The following ITGA9 variants were observed in gnomAD, a reference collection of about 807,000 sequenced individuals.
ITGA9 encodes the protein integrin alpha-9.
Under a neutral mutation model 127.8 loss-of-function variants are expected in ITGA9, and 56 were observed. The ratio of observed to expected loss-of-function variants is 0.44; its 90% CI spans 0.35 to 0.55. The LOEUF is 0.55. ITGA9 is among the 20% of genes least tolerant of loss of function. The pLI is 0.00. For synonymous variants in ITGA9, 508 were observed against 514.5 expected (o/e 0.99, Z 0.17); for missense variants, 1,196 against 1,347.1 (o/e 0.89, Z 1.76).
intron 18 of ITGA9, among the ~76,000 whole-genome samples, chr3:37,727,891 G>C (rs1250193072): frequency 6.6e-6 from 1 of 152,156 alleles, no homozygotes; most frequent in Admixed American, 6.5e-5. Flanking sequence ...GCCAGATCCA[G>C]ATTTATCAGT....
rs1181604093 is a variant in ITGA9 at position 37,513,908 on chromosome 3, C to A, written c.1035+8C>A. On this transcript the variant is annotated splice_region_variant and intron_variant, in intron 9 of 27. Transcript: ENST00000264741. ...TACATCAACAGAGGAAATGTGAGTA[C>A]AATACTGGGCAATGTGCGGATGGGT... 4 of 1,612,660 alleles carry A rather than the reference C, an allele frequency of 2.5e-6. No homozygotes were observed. Among genetic ancestry groups the A allele is most frequent in the Non-Finnish European group, 3.4e-6 (4 of 1,179,942 alleles).
chr3:37,737,927 A>C (rs1472446125), intron 20 of ITGA9, among the ~76,000 whole-genome samples: 1 of 152,190 alleles, frequency 6.6e-6, no homozygotes, highest in Non-Finnish European at 1.5e-5. Context: ...TGCAGAAATC[A>C]TGCCTCTTGA....
intron 18 of ITGA9, among the ~76,000 whole-genome samples, chr3:37,729,033 T>C (rs1182900427): frequency 6.6e-6 from 1 of 151,962 alleles, no homozygotes; most frequent in Non-Finnish European, 1.5e-5. Flanking sequence ...TACGGAATGC[T>C]TTTGGGGAAG....
intron 26 of ITGA9, among the ~76,000 whole-genome samples, chr3:37,789,277 C>G (rs1697077097): frequency 6.6e-6 from 1 of 152,188 alleles, no homozygotes; most frequent in Non-Finnish European, 1.5e-5. Flanking sequence ...AAGGGGTCAT[C>G]TGACCAATTT....
chr3:37,488,812 T>A lies in ITGA9; in HGVS notation c.545-5689T>A, dbSNP rs939319361. ...GACTCTGTCTCAAAAAAAAAAAAAATATTGTAAAAAATAAATAACATAAAA... is the reference window on the plus strand; with the variant it reads ...GACTCTGTCTCAAAAAAAAAAAAAAAATTGTAAAAAATAAATAACATAAAA... On this transcript the variant is annotated intron_variant, in intron 4 of 27. Transcript: ENST00000264741. Among the ~76,000 whole-genome samples, 1,377 of 150,416 alleles carry A rather than the reference T, an allele frequency of 9.2e-3. 20 individuals are homozygous for A. Among genetic ancestry groups the A allele is most frequent in the African/African-American group, 0.031 (1,278 of 40,692 alleles).
chr3:37,604,098 CA>C (rs1365008959), intron 15 of ITGA9, among the ~76,000 whole-genome samples: 1 of 152,222 alleles, frequency 6.6e-6, no homozygotes, highest in Non-Finnish European at 1.5e-5. Context: ...TGTTGTAAGA[CA>C]TCATCAAGGT....
intron 23 of ITGA9, among the ~76,000 whole-genome samples, chr3:37,773,172 T>C (rs904963643): frequency 2.0e-5 from 3 of 152,218 alleles, no homozygotes; most frequent in Non-Finnish European, 2.9e-5. Context: ...CCTAGAAACC[T>C]GAAGCACCGA....
intron 23 of ITGA9, among the ~76,000 whole-genome samples, chr3:37,768,999 G>A (rs762488147): frequency 6.6e-6 from 1 of 152,078 alleles, no homozygotes; most frequent in Non-Finnish European, 1.5e-5. Context: ...GTTCGTACTG[G>A]TAAAATGGCA....
chr3:37,752,347 C>G (rs1430475732), intron 23 of ITGA9, among the ~76,000 whole-genome samples: 1 of 152,202 alleles, frequency 6.6e-6, no homozygotes, highest in Non-Finnish European at 1.5e-5. Context: ...ATTCTCTGTA[C>G]TGCACTAGGA....
At chr3:37,466,513 A>AAAAAAAAG (rs1559513198) in intron 1 of ITGA9, among the ~76,000 whole-genome samples, 3 of 149,692 alleles carry the variant, frequency 2.0e-5, no homozygotes, top group Non-Finnish European at 4.5e-5. Flanking sequence ...AAAAAAAAAA[A>AAAAAAAAG]GGGCCTTTGA....
rs17037026 is a variant in ITGA9, at chr3:37,814,886, A to G, written c.3010-4005A>G. On this transcript the variant is annotated intron_variant, in intron 27 of 27. Transcript: ENST00000264741. The surrounding 1 kb of genome is among the most constrained non-coding windows in gnomAD (Gnocchi z 4.3). ...ATGAGAGTGCATTATGTTTTAAGAAATGGTCTTCAGACTCTAAAAAAAGGA... is the reference window on the plus strand; with the variant it reads ...ATGAGAGTGCATTATGTTTTAAGAAGTGGTCTTCAGACTCTAAAAAAAGGA... 0.02 allele frequency among the ~76,000 whole-genome samples: 2,985 copies of G among 152,326 alleles called. 82 individuals are homozygous for G. The highest frequency in any genetic ancestry group is 0.079 in the South Asian group (379 of 4,828).
At chr3:37,781,417 A>G (rs1696974848) in intron 25 of ITGA9, among the ~76,000 whole-genome samples, 1 of 152,220 alleles carries the variant, frequency 6.6e-6, no homozygotes, top group East Asian at 1.9e-4. Context: ...TTATAAAAAC[A>G]GGCAGAGGGC....
At chr3:37,613,009 A>G (rs1700038443) in intron 15 of ITGA9, among the ~76,000 whole-genome samples, 5 of 151,782 alleles carry the variant, frequency 3.3e-5, no homozygotes, top group Non-Finnish European at 7.4e-5. Context: ...CATGTGCACA[A>G]CGTGCAGGTT....
chr3:37,472,576 A>G (rs1249047964), intron 2 of ITGA9, among the ~76,000 whole-genome samples: 1 of 151,884 alleles, frequency 6.6e-6, no homozygotes, highest in Non-Finnish European at 1.5e-5. Flanking sequence ...TTGTGTTTTT[A>G]GTGGAGACGG....
Position 37,512,120 on chromosome 3 carries a change from C to CTT in ITGA9, c.898-1641_898-1640dup, listed in dbSNP as rs60763846. 2.0e-4 allele frequency among the ~76,000 whole-genome samples: 8 copies of CTT among 39,468 alleles called. 1 individual carries two copies. The highest frequency in any genetic ancestry group is 9.7e-4 in the African/African-American group (8 of 8,258). The allele number at this position is 39,468 out of a possible 152,430, so 25.9% of individuals were successfully genotyped here. A position where few individuals can be genotyped will look rare whatever the true frequency, so the allele number is the denominator to read the frequency against. Reference sequence around the variant, plus strand: ...TCCTTCCTTCCTTCCTTCCTTCCTTCTTTCTTTTCTTTTCTTTTCTTTTCT... The same window carrying CTT: ...TCCTTCCTTCCTTCCTTCCTTCCTTCTTTTTCTTTTCTTTTCTTTTCTTTTCT... On this transcript the variant is annotated intron_variant, in intron 8 of 27. Transcript: ENST00000264741.
rs1462910969 is a variant in ITGA9 at position 37,818,870 on chromosome 3, CTCTT to C, written c.3010-13_3010-10del. On this transcript the variant is annotated splice_polypyrimidine_tract_variant and intron_variant, in intron 27 of 27. Coordinates refer to ENST00000264741, the MANE Select transcript of ITGA9 (RefSeq NM_002207.3). The stretch of plus-strand genomic sequence containing the variant: ...TTCTTCAGCACTTCTAACTCAGCTT[CTCTT>C]TCTTTCTGCCTTTCAGATGGGCTTC... The C allele has an allele frequency of 1.1e-5, 18 of 1,586,286 alleles. No homozygotes were observed. The highest frequency in any genetic ancestry group is 1.6e-5 in the Non-Finnish European group (18 of 1,154,976).
chr3:37,506,869 G>C (rs968092434), intron 7 of ITGA9, among the ~76,000 whole-genome samples: 2 of 152,204 alleles, frequency 1.3e-5, no homozygotes, highest in African/African-American at 4.8e-5. Flanking sequence ...GTAGACCTGT[G>C]ATAGAGTCTG....
At chr3:37,561,344 C>T (rs769056859) in intron 15 of ITGA9, among the ~76,000 whole-genome samples, 19 of 152,184 alleles carry the variant, frequency 1.2e-4, no homozygotes, top group East Asian at 9.6e-4. Context: ...TAGTGGTGAC[C>T]GTATCAGACA....
At chr3:37,515,563 C>T (rs1482201946) in intron 9 of ITGA9, among the ~76,000 whole-genome samples, 1 of 152,234 alleles carries the variant, frequency 6.6e-6, no homozygotes, top group Middle Eastern at 3.4e-3. Context: ...CATGGTGAAA[C>T]CCTGTCTCTA....
Sources: allele counts gnomAD v4.1 joint callset (sites outside exome capture counted in the v4.1 genomes callset), GRCh38; gene constraint gnomAD v4.1.1; non-coding constraint Gnocchi (gnomAD v3.1); transcripts MANE v1.5; gene names NCBI Gene and HGNC (gene_info 2026-07-23, HGNC 2026-07-21).